GALNT13: variants seen among roughly 807,000 people sequenced by gnomAD.
GALNT13 encodes polypeptide N-acetylgalactosaminyltransferase 13, also known as UDP-GalNAc:polypeptide N-acetylgalactosaminyltransferase 13.
A neutral mutation model predicts 64.2 loss-of-function variants in GALNT13; 28 were observed. The ratio of observed to expected loss-of-function variants is 0.44; its 90% CI spans 0.32 to 0.60. The LOEUF (loss-of-function observed/expected upper bound fraction) is 0.60. GALNT13 is among the 20% of genes least tolerant of loss of function. GALNT13 has a pLI of 0.05. For missense variants in GALNT13, 577 were observed against 669.8 expected (o/e 0.86, Z 1.53); for synonymous variants, 214 against 224.6 (o/e 0.95, Z 0.42).
the GALNT13 span, among the ~76,000 whole-genome samples, chr2:153,583,743 C>G: frequency 6.6e-6 from 1 of 152,268 alleles, no homozygotes; most frequent in South Asian, 2.1e-4. Flanking sequence ...CATTCTTGAT[C>G]CTAGCTCTTG....
intron 2 of GALNT13, chr2:153,926,327 G>T (rs1297134885): frequency 6.6e-6 from 1 of 151,812 alleles, no homozygotes; most frequent in Non-Finnish European, 1.5e-5. Flanking sequence ...TGCAATGGTG[G>T]GAATAGTTAA....
intron 11 of GALNT13, 33 bp downstream of exon 11, chr2:154,409,115 T>C (rs748015864): frequency 3.1e-6 from 4 of 1,276,684 alleles, no homozygotes; most frequent in Admixed American, 3.4e-5. Context: ...CTTCATGTTT[T>C]AGAGGGAAAA....
intron 4 of GALNT13, among the ~76,000 whole-genome samples, chr2:154,221,462 G>T (rs1392692086): frequency 6.6e-6 from 1 of 152,006 alleles, no homozygotes; most frequent in Non-Finnish European, 1.5e-5. Flanking sequence ...TCTTTTGACT[G>T]TTGGCTTGAG....
the GALNT13 span, among the ~76,000 whole-genome samples, chr2:153,801,671 G>A: frequency 2.0e-5 from 3 of 152,096 alleles, no homozygotes; most frequent in African/African-American, 7.2e-5. Flanking sequence ...TTCAAATATT[G>A]TGAGAATAAA....
At chr2:154,009,551 C>G (rs1696485278) in intron 3 of GALNT13, among the ~76,000 whole-genome samples, 1 of 148,718 alleles carries the variant, frequency 6.7e-6, no homozygotes, top group Non-Finnish European at 1.5e-5. Context: ...AGTGCAGTGG[C>G]ATGATCTCGG....
intron 4 of GALNT13, among the ~76,000 whole-genome samples, chr2:154,196,953 T>C (rs1394964930): frequency 1.3e-5 from 2 of 152,216 alleles, no homozygotes; most frequent in East Asian, 3.8e-4. Flanking sequence ...GTCCTTACTC[T>C]CAAGAGATGA....
the GALNT13 span, among the ~76,000 whole-genome samples, chr2:153,300,419 A>T: frequency 9.2e-5 from 14 of 152,368 alleles, no homozygotes; most frequent in African/African-American, 3.4e-4. Context: ...GTACAGGGAA[A>T]GCTGGGATAA....
chr2:153,071,869 T>C, the GALNT13 span, among the ~76,000 whole-genome samples: 1 of 152,182 alleles, frequency 6.6e-6, no homozygotes, highest in Non-Finnish European at 1.5e-5. Flanking sequence ...AAAGACCATA[T>C]GTGGCCCAGA....
chr2:153,185,981 A>T, the GALNT13 span, among the ~76,000 whole-genome samples: 2 of 150,358 alleles, frequency 1.3e-5, no homozygotes, highest in African/African-American at 4.9e-5. Flanking sequence ...GGTCCACTTG[A>T]TCCAGAGCTG....
At chr2:153,335,606 G>A in the GALNT13 span, among the ~76,000 whole-genome samples, 4 of 152,208 alleles carry the variant, frequency 2.6e-5, no homozygotes, top group Non-Finnish European at 5.9e-5. Flanking sequence ...CATTCAAGAG[G>A]TGACTTGTAT....
At chr2:153,765,872 G>T in the GALNT13 span, among the ~76,000 whole-genome samples, 1 of 152,090 alleles carries the variant, frequency 6.6e-6, no homozygotes, top group South Asian at 2.1e-4. Context: ...TTTTATAAAT[G>T]GGAGTCCCCC....
At chr2:154,029,447 T>C (rs1280378786) in intron 3 of GALNT13, among the ~76,000 whole-genome samples, 1 of 152,032 alleles carries the variant, frequency 6.6e-6, no homozygotes, top group African/African-American at 2.4e-5. Flanking sequence ...GTATTACCCA[T>C]CCTCAACACA....
intron 9 of GALNT13, among the ~76,000 whole-genome samples, chr2:154,316,762 T>C (rs1694341943): frequency 2.0e-5 from 3 of 152,182 alleles, no homozygotes; most frequent in South Asian, 2.1e-4. Flanking sequence ...CTGATGACTT[T>C]ATCTAATCAT....
intron 3 of GALNT13, among the ~76,000 whole-genome samples, chr2:154,125,530 GAAAGGC>G (rs1173814505): frequency 1.3e-5 from 2 of 152,076 alleles, no homozygotes; most frequent in Non-Finnish European, 2.9e-5. Flanking sequence ...ACTATTTACT[GAAAGGC>G]TACTGCAAAC....
At chr2:153,509,749 G>C in the GALNT13 span, among the ~76,000 whole-genome samples, 1 of 152,146 alleles carries the variant, frequency 6.6e-6, no homozygotes, top group South Asian at 2.1e-4. Context: ...CCCAGGGCTA[G>C]ACCATGCAAA....
intron 3 of GALNT13, among the ~76,000 whole-genome samples, chr2:153,974,527 A>G (rs1055925767): frequency 6.6e-6 from 1 of 152,026 alleles, no homozygotes; most frequent in African/African-American, 2.4e-5. Context: ...GTCAATAAAG[A>G]AAGTAGGCAA....
At chr2:154,139,446 A>T (rs984751871) in intron 3 of GALNT13, among the ~76,000 whole-genome samples, 2 of 151,958 alleles carry the variant, frequency 1.3e-5, no homozygotes, top group Non-Finnish European at 2.9e-5. Context: ...TAGGAACTAT[A>T]ATATAGCAGA....
At chr2:154,131,338 G>GAGT (rs1471473673) in intron 3 of GALNT13, among the ~76,000 whole-genome samples, 2 of 152,134 alleles carry the variant, frequency 1.3e-5, no homozygotes, top group African/African-American at 4.8e-5. Flanking sequence ...AGTAATATAG[G>GAGT]AGTATGCTTT....
the GALNT13 span, among the ~76,000 whole-genome samples, chr2:153,818,724 T>G: frequency 6.6e-6 from 1 of 152,094 alleles, no homozygotes; most frequent in Non-Finnish European, 1.5e-5. Flanking sequence ...CAGCCACCAG[T>G]CTCTATTGGC....
Sources: allele counts gnomAD v4.1 joint callset (sites outside exome capture counted in the v4.1 genomes callset), GRCh38; gene constraint gnomAD v4.1.1; transcripts MANE v1.5; gene names NCBI Gene and HGNC (gene_info 2026-07-23, HGNC 2026-07-21).